YWHAG: variants seen among roughly 807,000 people sequenced by gnomAD.
YWHAG encodes the protein tyrosine 3-monooxygenase/tryptophan 5-monooxygenase activation protein gamma.
YWHAG carries 1 observed loss-of-function variant against 23.3 expected under a neutral mutation model. The observed-to-expected ratio is 0.04, with a 90% confidence interval of 0.02 to 0.20. The LOEUF (loss-of-function observed/expected upper bound fraction) is 0.20. Ranked by LOEUF, YWHAG falls within the 10% of genes least tolerant of loss-of-function variation. The probability of loss-of-function intolerance (pLI) is 1.00; values close to 1 mark genes in which losing one functional copy is unlikely to be tolerated. For missense variants in YWHAG, 151 were observed against 338.6 expected, an observed-to-expected ratio of 0.45 and a Z score of 4.35; for synonymous variants, 160 against 144.0, an observed-to-expected ratio of 1.11 and a Z score of -0.80.
intron 1 of YWHAG, among the ~76,000 whole-genome samples, chr7:76,348,876 G>GA (rs76337176): frequency 4.0e-5 from 6 of 150,952 alleles, no homozygotes; most frequent in Non-Finnish European, 7.4e-5. Context: ...CTTAGACTTT[G>GA]AAAAAAAAAA....
Position 76,354,047 on chromosome 7 carries a change from AGACCTTGCCTC to A in YWHAG, c.87+4664_87+4674del, listed in dbSNP as rs551199210. ...ATGCTCCAGCCTGGGTGACAGAGTGAGACCTTGCCTCAAAAAAAAAAAAAACAAAAAACAAG... is the reference window on the plus strand; with the variant it reads ...ATGCTCCAGCCTGGGTGACAGAGTGAAAAAAAAAAAAAAACAAAAAACAAG... On this transcript the variant is annotated intron_variant, in intron 1 of 1. Coordinates refer to ENST00000307630, the MANE Select transcript of YWHAG (RefSeq NM_012479.4). 3.6e-3 allele frequency among the ~76,000 whole-genome samples: 490 copies of A among 137,390 alleles called. 3 individuals carry two copies. Among genetic ancestry groups the A allele is most frequent in the African/African-American group, 0.013 (465 of 35,472 alleles). The allele number at this position is 137,390 out of a possible 152,430, so 90.1% of individuals were successfully genotyped here. A position where few individuals can be genotyped will look rare whatever the true frequency, so the allele number is the denominator to read the frequency against.
intron 1 of YWHAG, among the ~76,000 whole-genome samples, chr7:76,354,058 C>CAAAAAAAA (rs750620902): frequency 2.0e-5 from 1 of 49,190 alleles, no homozygotes; most frequent in Non-Finnish European, 4.1e-5. Context: ...GACCTTGCCT[C>CAAAAAAAA]AAAAAAAAAA....
intron 1 of YWHAG, among the ~76,000 whole-genome samples, chr7:76,347,549 G>A (rs1047945693): frequency 6.6e-6 from 1 of 151,958 alleles, no homozygotes; most frequent in Admixed American, 6.6e-5. Flanking sequence ...TCGTGCCATT[G>A]AACTCCAGCC....
intron 1 of YWHAG, among the ~76,000 whole-genome samples, chr7:76,336,773 T>TC (rs1429377054): frequency 1.3e-5 from 2 of 149,976 alleles, no homozygotes; most frequent in Admixed American, 6.6e-5. Context: ...TTTTTTTTTT[T>TC]CAACCTAGCA....
At chr7:76,338,334 A>G (rs925463436) in intron 1 of YWHAG, among the ~76,000 whole-genome samples, 13 of 152,216 alleles carry the variant, frequency 8.5e-5, no homozygotes, top group Non-Finnish European at 1.5e-5. Context: ...GAACAGCCTC[A>G]GAGTCGTGAA....
intron 1 of YWHAG, among the ~76,000 whole-genome samples, chr7:76,332,513 TAAG>T (rs1803559909): frequency 6.6e-6 from 1 of 152,094 alleles, no homozygotes; most frequent in South Asian, 2.1e-4. Context: ...ATCAGACAAA[TAAG>T]AAAGTCTTTT....
chr7:76,358,472 A>G (rs1803996354), intron 1 of YWHAG, among the ~76,000 whole-genome samples: 1 of 151,448 alleles, frequency 6.6e-6, no homozygotes, highest in South Asian at 2.1e-4. Context: ...GCCCCGCGGG[A>G]CCTCGCCCCG....
intron 1 of YWHAG, among the ~76,000 whole-genome samples, chr7:76,339,682 T>C (rs977092300): frequency 1.3e-5 from 2 of 152,132 alleles, no homozygotes; most frequent in African/African-American, 4.8e-5. Context: ...AGCCCAATCC[T>C]CTTTATCCTC....
chr7:76,352,342 C>T (rs377333679), intron 1 of YWHAG, among the ~76,000 whole-genome samples: 1 of 152,184 alleles, frequency 6.6e-6, no homozygotes, highest in Non-Finnish European at 1.5e-5. Context: ...TCCCTGCCCA[C>T]GGCAGCTGCT....
In YWHAG at chr7:76,358,779, T is replaced by A; in HGVS notation, c.30A>T (p.Lys10Asn). The part of the protein sequence containing the change: MVDREQLVQ[K>N]ARLAEQAERY... ...GCTCCGCCTGCTCGGCCAGCCGGGC[T>A]TTCTGCACCAGTTGCTCGCGGTCCA... is the stretch of plus-strand genomic sequence containing the variant. The change falls in exon 1 of 2, where the codon AAA becomes AAT. Residue 10 changes from lysine (K) to asparagine (N), a missense_variant. Coordinates refer to ENST00000307630, the MANE Select transcript of YWHAG (RefSeq NM_012479.4). 1 of 1,596,688 alleles carries A rather than the reference T, an allele frequency of 6.3e-7. No individual in the cohort carries two copies. The highest frequency in any genetic ancestry group is 1.1e-5 in the South Asian group (1 of 88,460).
chr7:76,336,351 G>C (rs1803614942), intron 1 of YWHAG, among the ~76,000 whole-genome samples: 1 of 152,158 alleles, frequency 6.6e-6, no homozygotes, highest in South Asian at 2.1e-4. Context: ...CTCTGGTGGG[G>C]GCTGCTGAGG....
intron 1 of YWHAG, among the ~76,000 whole-genome samples, chr7:76,344,142 G>C (rs942459811): frequency 5.9e-5 from 9 of 151,882 alleles, no homozygotes; most frequent in African/African-American, 1.5e-4. Flanking sequence ...ACAGAGTCTC[G>C]CTCTGTTGCC....
At chr7:76,348,529 G>T (rs1366276202) in intron 1 of YWHAG, among the ~76,000 whole-genome samples, 1 of 149,334 alleles carries the variant, frequency 6.7e-6, no homozygotes, top group African/African-American at 2.5e-5. Flanking sequence ...TCAGCCTCCC[G>T]AGTAGCTGGG....
Position 76,330,251 on chromosome 7 carries a change from C to CA in YWHAG, c.88-19dup, listed in dbSNP as rs1220567996. 3 of 1,604,690 alleles carry CA rather than the reference C, an allele frequency of 1.9e-6. No individual in the cohort carries two copies. The highest frequency in any genetic ancestry group is 1.7e-6 in the Non-Finnish European group (2 of 1,177,828). The stretch of plus-strand genomic sequence containing the variant: ...TCTGTCACCTGCCAGGAGGAAAGAA[C>CA]AGAGTTGTTATGGTACAGATGGTGT... On this transcript the variant is annotated intron_variant, in intron 1 of 1. Transcript: ENST00000307630.
chr7:76,335,330 A>G (rs1172326972), intron 1 of YWHAG, among the ~76,000 whole-genome samples: 1 of 152,194 alleles, frequency 6.6e-6, no homozygotes, highest in Non-Finnish European at 1.5e-5. Context: ...TGCTGGGATT[A>G]CAGGCGTGAG....
chr7:76,355,712 T>G (rs1235318670), intron 1 of YWHAG, among the ~76,000 whole-genome samples: 2 of 152,130 alleles, frequency 1.3e-5, no homozygotes, highest in African/African-American at 4.8e-5. Context: ...TTTAGAAAAA[T>G]TATGATAGCC....
chr7:76,330,863 C>T (rs1302973347), intron 1 of YWHAG, among the ~76,000 whole-genome samples: 1 of 152,302 alleles, frequency 6.6e-6, no homozygotes, highest in East Asian at 1.9e-4. Context: ...GAGGCGAGCA[C>T]AGCGCCTCTA....
rs1261253487 is a variant in YWHAG at position 76,330,027 on chromosome 7, C to T, written c.294G>A (p.Gln98=). 6.2e-7 allele frequency: 1 copy of T among 1,614,198 alleles called. No homozygotes were observed. The highest frequency in any genetic ancestry group is 8.5e-7 in the Non-Finnish European group (1 of 1,180,038). ...KIEKELEAVC[Q]DVLSLLDNYL... ...AGTTATCCAGCAGGCTCAGCACATCCTGGCACACAGCCTCCAACTCCTTCT... is the reference window on the plus strand; with the variant it reads ...AGTTATCCAGCAGGCTCAGCACATCTTGGCACACAGCCTCCAACTCCTTCT... Residue 98 remains glutamine (Q), a synonymous_variant, in exon 2 of 2, where the codon CAG becomes CAA. Transcript: ENST00000307630.
At position 76,327,730 on chromosome 7, in the gene YWHAG, G is replaced by A. The variant is rs1397451655; in HGVS notation, c.*1847C>T. On this transcript the variant is annotated 3_prime_UTR_variant, in exon 2 of 2. Coordinates refer to ENST00000307630, the MANE Select transcript of YWHAG (RefSeq NM_012479.4). ...CATGGCAATGACTTTAGGCGCCTGT[G>A]AGAGGCACAAAAGCGGCAAAGCTTC... The A allele has an allele frequency of 7.6e-6, 1 of 131,986 alleles. No homozygotes were observed. Among genetic ancestry groups the A allele is most frequent in the Non-Finnish European group, 1.5e-5 (1 of 65,394 alleles). The allele number at this position is 131,986 out of a possible 1,614,324, so 8.2% of individuals were successfully genotyped here. A position where few individuals can be genotyped will look rare whatever the true frequency, so the allele number is the denominator to read the frequency against.
Sources: allele counts gnomAD v4.1 joint callset (sites outside exome capture counted in the v4.1 genomes callset), GRCh38; gene constraint gnomAD v4.1.1; transcripts MANE v1.5; gene names NCBI Gene and HGNC (gene_info 2026-07-23, HGNC 2026-07-21).